EPHA5: variants seen among roughly 807,000 people sequenced by gnomAD.
EPHA5 encodes EPH receptor A5.
A neutral mutation model predicts 105.0 loss-of-function variants in EPHA5; 60 were observed. The ratio of observed to expected loss-of-function variants is 0.57; its 90% CI spans 0.46 to 0.71. The LOEUF (loss-of-function observed/expected upper bound fraction) is 0.71, where lower values mean the gene tolerates loss of function less well. Among genes scored for constraint, EPHA5 ranks in the 30% least tolerant of loss-of-function variants. The pLI, the probability that EPHA5 is intolerant of heterozygous loss-of-function variation, is 0.00. For missense variants in EPHA5, 1,218 were observed against 1,274.7 expected, an observed-to-expected ratio of 0.96 and a Z score of 0.68; for synonymous variants, 513 against 449.1, an observed-to-expected ratio of 1.14 and a Z score of -1.80.
At chr4:65,363,065 A>G (rs1244993046) in intron 11 of EPHA5, among the ~76,000 whole-genome samples, 2 of 151,642 alleles carry the variant, frequency 1.3e-5, no homozygotes, top group African/African-American at 4.8e-5. Context: ...GGTTTCAGTG[A>G]AGTTGAAAAA....
rs556205770 is a variant in EPHA5 at position 65,469,705 on chromosome 4, T to C, written c.1402+20672A>G. On this transcript the variant is annotated intron_variant, in intron 5 of 16. Coordinates refer to ENST00000613740, the MANE Select transcript of EPHA5 (RefSeq NM_001281766.3). ...AAAAATTAGATATTTCTGTAATAAA[T>C]GTACTTAACATATCCATATAAAATT... Among the ~76,000 whole-genome samples the C allele has an allele frequency of 2.0e-5, 3 of 152,300 alleles. No homozygotes were observed. In the South Asian group the frequency reaches 6.2e-4, roughly 32 times the overall value.
intron 2 of EPHA5, among the ~76,000 whole-genome samples, chr4:65,625,125 G>A (rs1391349249): frequency 6.6e-6 from 1 of 152,062 alleles, no homozygotes; most frequent in Non-Finnish European, 1.5e-5. Flanking sequence ...GACAGTTTAA[G>A]TTATCTCATA....
chr4:65,587,586 G>A (rs79619537), intron 3 of EPHA5, among the ~76,000 whole-genome samples: 6,519 of 152,022 alleles, frequency 0.043, 189 homozygotes, highest in Middle Eastern at 0.088. Context: ...AAGGTGCCCC[G>A]ACCCCCATCT....
intron 3 of EPHA5, among the ~76,000 whole-genome samples, chr4:65,595,655 A>T (rs1743100429): frequency 6.8e-6 from 1 of 147,880 alleles, no homozygotes; most frequent in South Asian, 2.1e-4. Flanking sequence ...ATCTCCACTC[A>T]CTGCAAGCTC....
In EPHA5 at chr4:65,365,990, G is replaced by GT. The variant is rs1717873968; in HGVS notation, c.1928dup (p.His643GlnfsTer5). The GT allele has an allele frequency of 6.2e-7, 1 of 1,608,868 alleles. No homozygotes were observed. Among genetic ancestry groups the GT allele is most frequent in the Non-Finnish European group, 8.5e-7 (1 of 1,176,538 alleles). On this transcript the variant is annotated frameshift_variant, in exon 10 of 17. Transcript: ENST00000613740. LOFTEE classifies it high-confidence loss of function. ...ATGCTTCTATCTCCTTAGCAAATTC[G>GT]TGGACAGCTTGATTGGGATCCTCAT...
At chr4:65,422,945 T>A (rs1008692012) in intron 5 of EPHA5, among the ~76,000 whole-genome samples, 7 of 152,098 alleles carry the variant, frequency 4.6e-5, no homozygotes, top group Non-Finnish European at 8.8e-5. Context: ...TTATTATCAA[T>A]TAAAGTCCAC....
chr4:65,553,618 C>A (rs1738126421), intron 3 of EPHA5, among the ~76,000 whole-genome samples: 1 of 151,970 alleles, frequency 6.6e-6, no homozygotes, highest in Non-Finnish European at 1.5e-5. Flanking sequence ...AGCAGAAATT[C>A]ATTTCTAAAG....
At chr4:65,437,162 T>C (rs1187651357) in intron 5 of EPHA5, among the ~76,000 whole-genome samples, 1 of 152,092 alleles carries the variant, frequency 6.6e-6, no homozygotes, top group African/African-American at 2.4e-5. Context: ...TTATTTTTAT[T>C]TCCCAACTTT....
rs1380373804 is a variant in EPHA5 at position 65,661,368 on chromosome 4, AT to A, written c.181+8193del. Among the ~76,000 whole-genome samples the A allele has an allele frequency of 3.9e-5, 6 of 152,122 alleles. No individual in the cohort carries two copies. In the South Asian group the frequency reaches 8.3e-4, roughly 21 times the overall value. ...TCAAAAACAATGACTTCAAATCTGC[AT>A]GATTAAGGTAATTTTGTTGTTGTTA... is the stretch of plus-strand genomic sequence containing the variant. On this transcript the variant is annotated intron_variant, in intron 1 of 16. Coordinates refer to ENST00000613740, the MANE Select transcript of EPHA5 (RefSeq NM_001281766.3).
At chr4:65,331,165 A>C (rs1217909053) in intron 16 of EPHA5, 2 of 1,029,120 alleles carry the variant, frequency 1.9e-6, no homozygotes, top group Non-Finnish European at 2.3e-6. Context: ...ATTTGAAGTA[A>C]GTTATCATTA....
At chr4:65,651,752 A>G (rs923395069) in intron 1 of EPHA5, among the ~76,000 whole-genome samples, 13 of 152,318 alleles carry the variant, frequency 8.5e-5, no homozygotes, top group South Asian at 4.1e-4. Flanking sequence ...CATAAAGCAT[A>G]TGACTATGAT....
chr4:65,522,010 C>A (rs958625525), intron 3 of EPHA5, among the ~76,000 whole-genome samples: 1 of 151,876 alleles, frequency 6.6e-6, no homozygotes, highest in African/African-American at 2.4e-5. Flanking sequence ...CATAGTCTAT[C>A]TAAAAATTCT....
chr4:65,414,477 C>T (rs2149021227), intron 6 of EPHA5, 34 bp from the exon 7 acceptor site: 2 of 1,604,646 alleles, frequency 1.2e-6, no homozygotes, highest in Non-Finnish European at 1.7e-6. Flanking sequence ...ATAAAAAAGA[C>T]AGCATATAAA....
intron 3 of EPHA5, among the ~76,000 whole-genome samples, chr4:65,590,883 C>A (rs1052373670): frequency 1.2e-4 from 18 of 152,050 alleles, no homozygotes; most frequent in Admixed American, 1.0e-3. Flanking sequence ...ATTAAAAGTA[C>A]AGATAGATCA....
chr4:65,570,928 A>G (rs1740100484), intron 3 of EPHA5, among the ~76,000 whole-genome samples: 1 of 152,024 alleles, frequency 6.6e-6, no homozygotes, highest in South Asian at 2.1e-4. Context: ...ATATGATGTC[A>G]TGGGTTCTGG....
intron 3 of EPHA5, among the ~76,000 whole-genome samples, chr4:65,508,679 C>G (rs763104236): frequency 3.9e-5 from 6 of 151,934 alleles, no homozygotes; most frequent in Non-Finnish European, 8.8e-5. Flanking sequence ...AAACTTATTC[C>G]CCAGTTAAGT....
intron 5 of EPHA5, among the ~76,000 whole-genome samples, chr4:65,454,667 A>G (rs1727400907): frequency 6.6e-6 from 1 of 152,194 alleles, no homozygotes; most frequent in Admixed American, 6.6e-5. Flanking sequence ...AGTGGATGAA[A>G]CCAGTATGTT....
chr4:65,391,954 C>T (rs1720758058), intron 8 of EPHA5, among the ~76,000 whole-genome samples: 1 of 151,986 alleles, frequency 6.6e-6, no homozygotes, highest in African/African-American at 2.4e-5. Flanking sequence ...AAATGTTTGC[C>T]TCAATATAAC....
Position 65,619,222 on chromosome 4 carries a change from C to T in EPHA5, c.247-16918G>A, listed in dbSNP as rs556307043. 7.2e-5 allele frequency among the ~76,000 whole-genome samples: 11 copies of T among 152,256 alleles called. No individual in the cohort carries two copies. The East Asian group carries it at 1.7e-3, about 24-fold the overall frequency. ...TTGTACACTTATTGATAACACATTACTTCATAGACATTTGCACTAATCTAT... is the reference window on the plus strand; with the variant it reads ...TTGTACACTTATTGATAACACATTATTTCATAGACATTTGCACTAATCTAT... On this transcript the variant is annotated intron_variant, in intron 2 of 16. Coordinates refer to ENST00000613740, the MANE Select transcript of EPHA5 (RefSeq NM_001281766.3).
Sources: allele counts gnomAD v4.1 joint callset (sites outside exome capture counted in the v4.1 genomes callset), GRCh38; gene constraint gnomAD v4.1.1; transcripts MANE v1.5; gene names NCBI Gene and HGNC (gene_info 2026-07-23, HGNC 2026-07-21).